Variants in TSPAN18 observed in about 807,000 individuals in gnomAD.
TSPAN18 encodes the protein tetraspanin 18, also known as tetraspanin-18.
TSPAN18 carries 14 observed loss-of-function variants against 27.3 expected under a neutral mutation model. The ratio of observed to expected loss-of-function variants is 0.51; its 90% CI spans 0.34 to 0.80. The LOEUF (loss-of-function observed/expected upper bound fraction) is 0.80. TSPAN18 is among the 30% of genes least tolerant of loss of function. The probability of loss-of-function intolerance (pLI) is 0.01; values close to 1 mark genes in which losing one functional copy is unlikely to be tolerated. For missense variants in TSPAN18, 268 were observed against 323.9 expected, an observed-to-expected ratio of 0.83 and a Z score of 1.32; for synonymous variants, 143 against 136.5, an observed-to-expected ratio of 1.05 and a Z score of -0.33.
chr11:44,735,477 G>A (rs1006394798), intron 1 of TSPAN18, among the ~76,000 whole-genome samples: 4 of 152,166 alleles, frequency 2.6e-5, no homozygotes, highest in African/African-American at 2.4e-5. Context: ...CCTAGCTTCT[G>A]GTGGTTACTG....
At chr11:44,773,527 G>A (rs1249089414) in intron 2 of TSPAN18, among the ~76,000 whole-genome samples, 2 of 151,876 alleles carry the variant, frequency 1.3e-5, no homozygotes, top group Non-Finnish European at 1.5e-5. Context: ...TTTTATCACC[G>A]ACATTGTTTA....
At chr11:44,782,202 G>T (rs908348043) in intron 2 of TSPAN18, among the ~76,000 whole-genome samples, 2 of 152,168 alleles carry the variant, frequency 1.3e-5, no homozygotes, top group Non-Finnish European at 2.9e-5. Context: ...TCTTTTGGAA[G>T]TATCCTGGAA....
At chr11:44,810,759 C>T (rs1415317093) in intron 2 of TSPAN18, among the ~76,000 whole-genome samples, 2 of 151,834 alleles carry the variant, frequency 1.3e-5, no homozygotes, top group Non-Finnish European at 2.9e-5. Flanking sequence ...GCACATGCCA[C>T]CACACCCAGC....
chr11:44,883,397 A>G (rs112513682), intron 3 of TSPAN18, among the ~76,000 whole-genome samples: 1,975 of 152,312 alleles, frequency 0.013, 28 homozygotes, highest in Non-Finnish European at 0.02. Context: ...CCCTCGGTAG[A>G]TAGCAAAAGG....
At position 44,906,428 on chromosome 11, in the gene TSPAN18, C is replaced by T. The variant is rs1859455621; in HGVS notation, c.12C>T (p.Asp4=). Residue 4 remains aspartate, a synonymous_variant, in exon 4 of 10, where the codon GAC becomes GAT. Transcript: ENST00000520358. ...CTAGGTGGAGCACCATGGAAGGCGA[C>T]TGTCTGAGCTGCATGAAGTATCTGA... MEG[D]CLSCMKYLMF... The T allele has an allele frequency of 6.2e-7, 1 of 1,614,208 alleles. No individual in the cohort carries two copies.
At chr11:44,929,021 A>C (rs898744957) in intron 9 of TSPAN18, 110 bp from the exon 10 acceptor site, 3 of 1,336,492 alleles carry the variant, frequency 2.2e-6, no homozygotes, top group Non-Finnish European at 3.2e-6. Context: ...TTAGGGGAGG[A>C]GTGTGCTAAG....
chr11:44,831,834 C>T (rs748135070), intron 2 of TSPAN18, among the ~76,000 whole-genome samples: 23 of 152,062 alleles, frequency 1.5e-4, no homozygotes, highest in Non-Finnish European at 3.1e-4. Flanking sequence ...GGGAAGCTGT[C>T]TGGGACAGCT....
At chr11:44,816,984 C>T (rs1241282455) in intron 2 of TSPAN18, among the ~76,000 whole-genome samples, 1 of 152,212 alleles carries the variant, frequency 6.6e-6, no homozygotes, top group African/African-American at 2.4e-5. Context: ...TAGTTGGGCT[C>T]TGGTGCCACA....
At position 44,865,355 on chromosome 11, in the gene TSPAN18, A is replaced by G. The variant is rs1306451274; in HGVS notation, c.-11+4886A>G. 2.0e-5 allele frequency among the ~76,000 whole-genome samples: 3 copies of G among 152,324 alleles called. No homozygotes were observed. In the East Asian group the frequency reaches 5.8e-4, roughly 29 times the overall value. The stretch of plus-strand genomic sequence containing the variant: ...AGCTTTAAATTAAATAATGAGTGTT[A>G]AAACAGTTGCAGAGCTCTGGGCACG... On this transcript the variant is annotated intron_variant, in intron 3 of 9. Coordinates refer to ENST00000520358, the MANE Select transcript of TSPAN18 (RefSeq NM_130783.5).
intron 4 of TSPAN18, chr11:44,909,395 G>C: frequency 3.2e-6 from 1 of 316,804 alleles, no homozygotes. Context: ...AATCCTACAG[G>C]TCTGACATTT....
chr11:44,880,032 G>T (rs948718737), intron 3 of TSPAN18, among the ~76,000 whole-genome samples: 1 of 152,352 alleles, frequency 6.6e-6, no homozygotes, highest in East Asian at 1.9e-4. Flanking sequence ...GCGACGCTGG[G>T]GGGAGGCTGG....
chr11:44,732,161 G>A (rs1344804151), intron 1 of TSPAN18, among the ~76,000 whole-genome samples: 1 of 152,250 alleles, frequency 6.6e-6, no homozygotes, highest in Non-Finnish European at 1.5e-5. Context: ...GGCCGGGGCA[G>A]CCTCTTCCAG....
At chr11:44,780,747 C>T (rs1475979373) in intron 2 of TSPAN18, among the ~76,000 whole-genome samples, 2 of 152,238 alleles carry the variant, frequency 1.3e-5, no homozygotes, top group Non-Finnish European at 2.9e-5. Context: ...ATTTCCCCAT[C>T]TGTAAAATAG....
chr11:44,926,877 C>T, intron 9 of TSPAN18, 120 bp downstream of exon 9: 1 of 1,022,290 alleles, frequency 9.8e-7, no homozygotes, highest in Admixed American at 1.9e-5. Flanking sequence ...GGGGCCCCCA[C>T]TGTGGGTGCT....
intron 3 of TSPAN18, among the ~76,000 whole-genome samples, chr11:44,862,159 G>A (rs1169713668): frequency 6.6e-6 from 1 of 152,202 alleles, no homozygotes; most frequent in Non-Finnish European, 1.5e-5. Context: ...AGAGGGGGAC[G>A]GGCACTGGTT....
chr11:44,923,323 T>TGCCCACCCAGCAGAGAGG (rs1468467057), intron 8 of TSPAN18, among the ~76,000 whole-genome samples: 1 of 152,014 alleles, frequency 6.6e-6, no homozygotes, highest in Non-Finnish European at 1.5e-5. Context: ...GTGGGGGATG[T>TGCCCACCCAGCAGAGAGG]GCCCACCCAG....
chr11:44,813,618 G>A (rs1856764670), intron 2 of TSPAN18, among the ~76,000 whole-genome samples: 1 of 152,186 alleles, frequency 6.6e-6, no homozygotes, highest in Non-Finnish European at 1.5e-5. Flanking sequence ...CTTGCTGTGT[G>A]ACCTTGAGTA....
In TSPAN18 at chr11:44,926,684, C is replaced by A. The variant is rs781065961; in HGVS notation, c.626C>A (p.Thr209Lys). The A allele has an allele frequency of 1.2e-6, 2 of 1,614,014 alleles. No individual in the cohort carries two copies. Among genetic ancestry groups the A allele is most frequent in the Admixed American group, 1.7e-5 (1 of 59,998 alleles). The change falls in exon 9 of 10, where the codon ACG becomes AAG. Residue 209 changes from threonine to lysine, a missense_variant. By Grantham distance (78) the Thr-to-Lys change is moderately conservative. Coordinates refer to ENST00000520358, the MANE Select transcript of TSPAN18 (RefSeq NM_130783.5). ...ATCCCTCCCTCCCAGGGCTGTTACA[C>A]GGTGATCCTCAACACCTTCGAGACC... is the stretch of plus-strand genomic sequence containing the variant. Reference protein sequence around the residue: ...SLFLNKQGCYTVILNTFETYV... With the variant: ...SLFLNKQGCYKVILNTFETYV...
chr11:44,805,773 C>G (rs1263494110), intron 2 of TSPAN18, among the ~76,000 whole-genome samples: 1 of 152,148 alleles, frequency 6.6e-6, no homozygotes, highest in Non-Finnish European at 1.5e-5. Context: ...CTCTCCTCAC[C>G]TCTTCAGCTT....
Sources: gnomAD v4.1 joint callset for allele counts (sites outside exome capture counted in the v4.1 genomes callset) on GRCh38, gnomAD v4.1.1 for gene constraint, MANE v1.5 for transcripts, NCBI Gene and HGNC (gene_info 2026-07-23, HGNC 2026-07-21) for gene names.